GPC5: variants seen among roughly 807,000 people sequenced by gnomAD.
GPC5 encodes the protein glypican-5.
Under a neutral mutation model 53.9 loss-of-function variants are expected in GPC5, and 47 were observed. That is an observed-to-expected ratio of 0.87 (90% CI 0.69 to 1.11). GPC5 has a LOEUF of 1.11. Ranked by LOEUF, GPC5 falls within the 50% of genes most tolerant of loss-of-function variation. The pLI is 0.00. For synonymous variants in GPC5, 286 were observed against 263.3 expected, an observed-to-expected ratio of 1.09 and a Z score of -0.84; for missense variants, 748 against 713.1, an observed-to-expected ratio of 1.05 and a Z score of -0.56.
chr13:91,825,264 C>G (rs1284024404), intron 5 of GPC5, among the ~76,000 whole-genome samples: 1 of 152,032 alleles, frequency 6.6e-6, no homozygotes, highest in Non-Finnish European at 1.5e-5. Context: ...CTTGCCCAAG[C>G]AGCAGTATCT....
At chr13:91,702,627 T>A (rs140962884) in intron 3 of GPC5, among the ~76,000 whole-genome samples, 7 of 152,192 alleles carry the variant, frequency 4.6e-5, no homozygotes, top group Non-Finnish European at 7.4e-5. Flanking sequence ...TTGTAGTCTT[T>A]TGTGGTTCCA....
At chr13:91,638,328 C>T (rs1294118353) in intron 2 of GPC5, among the ~76,000 whole-genome samples, 3 of 151,732 alleles carry the variant, frequency 2.0e-5, no homozygotes, top group Admixed American at 2.0e-4. Context: ...CCTTTTACTA[C>T]TTTTCTTTGA....
At chr13:91,499,258 G>T (rs1884486766) in intron 2 of GPC5, among the ~76,000 whole-genome samples, 1 of 152,148 alleles carries the variant, frequency 6.6e-6, no homozygotes, top group Admixed American at 6.5e-5. Context: ...GTTTGGTGTG[G>T]TTCAGTTTGA....
intron 7 of GPC5, among the ~76,000 whole-genome samples, chr13:92,514,164 C>T (rs1025692372): frequency 1.3e-4 from 17 of 128,104 alleles, no homozygotes; most frequent in Non-Finnish European, 2.6e-4. Flanking sequence ...CACACACACA[C>T]CCAGGTCATA....
At chr13:92,282,683 A>G (rs1041036674) in intron 7 of GPC5, among the ~76,000 whole-genome samples, 2 of 152,214 alleles carry the variant, frequency 1.3e-5, no homozygotes, top group African/African-American at 2.4e-5. Context: ...TTTACAGACA[A>G]GCAAATGCTG....
chr13:91,646,543 A>C, intron 2 of GPC5, among the ~76,000 whole-genome samples: 1 of 152,188 alleles, frequency 6.6e-6, no homozygotes, highest in South Asian at 2.1e-4. Context: ...TAAATGACAA[A>C]ATGAAATAAA....
chr13:92,085,383 A>G (rs1266700217), intron 6 of GPC5, among the ~76,000 whole-genome samples: 1 of 152,224 alleles, frequency 6.6e-6, no homozygotes, highest in African/African-American at 2.4e-5. Context: ...ATTTAAGTTT[A>G]CCAAAAATAT....
At chr13:91,811,751 A>T (rs2038315091) in intron 5 of GPC5, among the ~76,000 whole-genome samples, 1 of 152,214 alleles carries the variant, frequency 6.6e-6, no homozygotes, top group Non-Finnish European at 1.5e-5. Context: ...AAGTCATTAT[A>T]ACTATCCACT....
At chr13:92,803,856 G>A (rs1442741461) in intron 7 of GPC5, among the ~76,000 whole-genome samples, 7 of 151,914 alleles carry the variant, frequency 4.6e-5, no homozygotes, top group Non-Finnish European at 8.8e-5. Flanking sequence ...GAATCATGGA[G>A]ACATCACACT....
At chr13:92,753,227 C>G (rs367957283) in intron 7 of GPC5, among the ~76,000 whole-genome samples, 1 of 152,170 alleles carries the variant, frequency 6.6e-6, no homozygotes, top group Admixed American at 6.5e-5. Flanking sequence ...AGCAGGGGCA[C>G]ACTGACACCT....
Position 91,527,019 on chromosome 13 carries a change from A to C in GPC5, c.325+78097A>C, listed in dbSNP as rs1412855472. ...CATGTGGGAATTACAATTTGAGATG[A>C]GATTTGAGTGGGGACACAGAACCAA... On this transcript the variant is annotated intron_variant, in intron 2 of 7. Coordinates refer to ENST00000377067, the MANE Select transcript of GPC5 (RefSeq NM_004466.6). 2.0e-5 allele frequency among the ~76,000 whole-genome samples: 3 copies of C among 152,196 alleles called. No homozygotes were observed. In the East Asian group the frequency reaches 5.8e-4, roughly 29 times the overall value.
chr13:92,855,852 G>A (rs572029416), intron 7 of GPC5, among the ~76,000 whole-genome samples: 1 of 151,824 alleles, frequency 6.6e-6, no homozygotes, highest in African/African-American at 2.4e-5. Flanking sequence ...AATTAAATCC[G>A]TAATAAATTT....
intron 5 of GPC5, among the ~76,000 whole-genome samples, chr13:91,846,102 A>G (rs2038845887): frequency 6.6e-6 from 1 of 152,162 alleles, no homozygotes; most frequent in African/African-American, 2.4e-5. Flanking sequence ...CTTTGCAGAA[A>G]GAGTTGTGGG....
At chr13:91,446,343 T>C (rs1880801581) in intron 1 of GPC5, among the ~76,000 whole-genome samples, 2 of 152,356 alleles carry the variant, frequency 1.3e-5, no homozygotes, top group South Asian at 4.1e-4. Context: ...CCCACAATTC[T>C]GGTTGAAGTC....
chr13:91,514,939 C>A (rs543923278), intron 2 of GPC5, among the ~76,000 whole-genome samples: 2 of 152,084 alleles, frequency 1.3e-5, no homozygotes, highest in East Asian at 3.9e-4. Context: ...TTTATATCTG[C>A]GCTATTTAAA....
At chr13:92,606,837 G>A (rs1474885482) in intron 7 of GPC5, among the ~76,000 whole-genome samples, 1 of 152,026 alleles carries the variant, frequency 6.6e-6, no homozygotes, top group Non-Finnish European at 1.5e-5. Context: ...TGACCATGAA[G>A]AAATCCTAAG....
chr13:92,691,425 C>A (rs573314077), intron 7 of GPC5, among the ~76,000 whole-genome samples: 2 of 145,896 alleles, frequency 1.4e-5, no homozygotes, highest in East Asian at 2.1e-4. Context: ...TGCTTCGGCT[C>A]GCGCACGGTG....
Position 91,898,557 on chromosome 13 carries a change from A to G in GPC5, c.1281-9380A>G, listed in dbSNP as rs899641007. Among the ~76,000 whole-genome samples, 8 of 152,178 alleles carry G rather than the reference A, an allele frequency of 5.3e-5. No individual in the cohort carries two copies. In the East Asian group the frequency reaches 5.8e-4, roughly 11 times the overall value. ...AGGCTTTTCTGGAAATACACAGTGT[A>G]TAAGTACAAAATGATGAAATAAACA... is the stretch of plus-strand genomic sequence containing the variant. On this transcript the variant is annotated intron_variant, in intron 5 of 7. Coordinates refer to ENST00000377067, the MANE Select transcript of GPC5 (RefSeq NM_004466.6).
At chr13:92,551,289 C>A (rs1323701189) in intron 7 of GPC5, among the ~76,000 whole-genome samples, 1 of 144,660 alleles carries the variant, frequency 6.9e-6, no homozygotes, top group African/African-American at 2.6e-5. Context: ...TAAAACCAGG[C>A]AGCCAAAAAG....
Sources: allele counts gnomAD v4.1 joint callset (sites outside exome capture counted in the v4.1 genomes callset), GRCh38; gene constraint gnomAD v4.1.1; transcripts MANE v1.5; gene names NCBI Gene and HGNC (gene_info 2026-07-23, HGNC 2026-07-21).